Variants in CDYL observed in about 807,000 individuals in gnomAD.
CDYL encodes chromodomain Y like.
Under a neutral mutation model 47.3 loss-of-function variants are expected in CDYL, and 8 were observed. The observed-to-expected ratio is 0.17, with a 90% CI of 0.10 to 0.31. CDYL has a LOEUF of 0.31. Among genes scored for constraint, CDYL ranks in the 10% least tolerant of loss-of-function variants. The probability of loss-of-function intolerance (pLI) is 1.00; values close to 1 mark genes in which losing one functional copy is unlikely to be tolerated. For missense variants in CDYL, 471 were observed against 701.4 expected (o/e 0.67, Z 3.71); for synonymous variants, 266 against 265.0 (o/e 1.00, Z -0.04).
At chr6:4,753,606 T>A (rs564185599) in intron 3 of CDYL, among the ~76,000 whole-genome samples, 13 of 152,314 alleles carry the variant, frequency 8.5e-5, no homozygotes, top group African/African-American at 3.1e-4. Context: ...CTCCTGGTAG[T>A]AGTAACTTGA....
chr6:4,739,713 G>A (rs1435718805), intron 3 of CDYL, among the ~76,000 whole-genome samples: 1 of 152,094 alleles, frequency 6.6e-6, no homozygotes, highest in Admixed American at 6.6e-5. Flanking sequence ...CAGAACTTTG[G>A]GAGGTGAGGC....
intron 1 of CDYL, among the ~76,000 whole-genome samples, chr6:4,854,386 A>G (rs1382241692): frequency 5.9e-5 from 9 of 152,176 alleles, no homozygotes. Flanking sequence ...TTACCCCATC[A>G]GATCACCAAG....
At chr6:4,890,562 G>GT (rs967100787) in intron 1 of CDYL, among the ~76,000 whole-genome samples, 10 of 152,300 alleles carry the variant, frequency 6.6e-5, no homozygotes, top group Middle Eastern at 3.4e-3. Flanking sequence ...ATACTGGAGA[G>GT]TTTTTTATTT....
chr6:4,713,301 A>G (rs1757185561), intron 1 of CDYL, among the ~76,000 whole-genome samples: 1 of 152,040 alleles, frequency 6.6e-6, no homozygotes, highest in African/African-American at 2.4e-5. Flanking sequence ...ATTCCCAGTC[A>G]TGCTGTCAAT....
At chr6:4,777,620 A>G (rs947669136) in intron 1 of CDYL, among the ~76,000 whole-genome samples, 1 of 152,214 alleles carries the variant, frequency 6.6e-6, no homozygotes, top group Non-Finnish European at 1.5e-5. Flanking sequence ...CTTGTTTCAC[A>G]TGTATTTATA....
At chr6:4,920,905 T>C (rs34172189) in intron 2 of CDYL, among the ~76,000 whole-genome samples, 7,354 of 152,312 alleles carry the variant, frequency 0.048, 302 homozygotes, top group African/African-American at 0.11. Context: ...CGTCAGCCAC[T>C]GCACCCAGCC....
At chr6:4,911,501 C>G (rs1757415290) in intron 2 of CDYL, among the ~76,000 whole-genome samples, 1 of 152,150 alleles carries the variant, frequency 6.6e-6, no homozygotes, top group Admixed American at 6.5e-5. Context: ...GTGTCCGCAC[C>G]ACTTTCTTCA....
At chr6:4,753,257 T>C (rs113111403) in intron 3 of CDYL, among the ~76,000 whole-genome samples, 1 of 152,050 alleles carries the variant, frequency 6.6e-6, no homozygotes, top group Non-Finnish European at 1.5e-5. Flanking sequence ...GCTGAAAAAA[T>C]AGACTCAAAG....
intron 3 of CDYL, among the ~76,000 whole-genome samples, chr6:4,736,632 A>C (rs1265789547): frequency 6.7e-6 from 1 of 150,060 alleles, no homozygotes; most frequent in Non-Finnish European, 1.5e-5. Flanking sequence ...CTAGGAGTGG[A>C]GAGACATGAA....
At chr6:4,759,462 A>G (rs1039915951) in intron 3 of CDYL, among the ~76,000 whole-genome samples, 49 of 152,206 alleles carry the variant, frequency 3.2e-4, no homozygotes, top group African/African-American at 1.1e-3. Context: ...CTATACAGAT[A>G]TACCATAATT....
chr6:4,831,292 C>T (rs551325335), intron 1 of CDYL, among the ~76,000 whole-genome samples: 34 of 152,312 alleles, frequency 2.2e-4, no homozygotes, highest in African/African-American at 7.5e-4. Flanking sequence ...CAGCTTTCTA[C>T]ATATGGCTAG....
At chr6:4,768,166 A>G (rs547876202) in intron 3 of CDYL, among the ~76,000 whole-genome samples, 128 of 152,288 alleles carry the variant, frequency 8.4e-4, no homozygotes, top group Non-Finnish European at 1.5e-3. Context: ...GCCTGGGACC[A>G]TTTCCAATGC....
intron 3 of CDYL, among the ~76,000 whole-genome samples, chr6:4,771,070 T>C (rs1268388015): frequency 2.0e-5 from 3 of 152,310 alleles, no homozygotes; most frequent in East Asian, 3.9e-4. Context: ...TGCTCTCTAA[T>C]ACTGTTTCTA....
chr6:4,910,204 G>A (rs1757370038), intron 2 of CDYL, among the ~76,000 whole-genome samples: 1 of 152,148 alleles, frequency 6.6e-6, no homozygotes, highest in Admixed American at 6.5e-5. Flanking sequence ...TAAGCTGCGG[G>A]AAGTTAGGCA....
At chr6:4,728,820 G>A (rs542201101) in intron 2 of CDYL, among the ~76,000 whole-genome samples, 2 of 152,134 alleles carry the variant, frequency 1.3e-5, no homozygotes, top group African/African-American at 2.4e-5. Context: ...TGCCCACTCC[G>A]GTTCTCAAGG....
At chr6:4,753,691 G>A (rs1247998909) in intron 3 of CDYL, among the ~76,000 whole-genome samples, 1 of 152,142 alleles carries the variant, frequency 6.6e-6, no homozygotes, top group Admixed American at 6.5e-5. Flanking sequence ...TCAACACAAG[G>A]ATTTTATGGA....
intron 1 of CDYL, among the ~76,000 whole-genome samples, chr6:4,851,019 G>A (rs997673591): frequency 9.9e-5 from 15 of 152,126 alleles, no homozygotes; most frequent in African/African-American, 3.1e-4. Context: ...TGTGGCTCTC[G>A]ACTGACTAGT....
chr6:4,858,139 A>G (rs1274037720), intron 1 of CDYL, among the ~76,000 whole-genome samples: 3 of 152,054 alleles, frequency 2.0e-5, no homozygotes, highest in African/African-American at 7.3e-5. Flanking sequence ...TTGTTCATCC[A>G]CTTTCTTTCA....
At chr6:4,735,884 T>G (rs1178665428) in intron 3 of CDYL, among the ~76,000 whole-genome samples, 1 of 145,120 alleles carries the variant, frequency 6.9e-6, no homozygotes, top group Non-Finnish European at 1.5e-5. Context: ...CCTCTGTATT[T>G]ATGTGCATGT....
Sources: gnomAD v4.1 joint callset for allele counts (sites outside exome capture counted in the v4.1 genomes callset) on GRCh38, gnomAD v4.1.1 for gene constraint, MANE v1.5 for transcripts, NCBI Gene and HGNC (gene_info 2026-07-23, HGNC 2026-07-21) for gene names.